The following SLC25A21 variants were observed in gnomAD, a reference collection of about 807,000 sequenced individuals.
The protein encoded by SLC25A21 is mitochondrial 2-oxodicarboxylate carrier.
Under a neutral mutation model 43.8 loss-of-function variants are expected in SLC25A21, and 47 were observed. The observed-to-expected ratio is 1.07, with a 90% CI of 0.85 to 1.37. The LOEUF (loss-of-function observed/expected upper bound fraction) is 1.37, where lower values mean the gene tolerates loss of function less well. Among genes scored for constraint, SLC25A21 ranks in the 40% most tolerant of loss-of-function variants. The probability of loss-of-function intolerance (pLI) is 0.00; values close to 1 mark genes in which losing one functional copy is unlikely to be tolerated. For synonymous variants in SLC25A21, 131 were observed against 121.3 expected (o/e 1.08, Z -0.52); for missense variants, 352 against 350.2 (o/e 1.00, Z -0.04).
chr14:36,821,275 G>A (rs1888620649), intron 2 of SLC25A21, among the ~76,000 whole-genome samples: 1 of 152,092 alleles, frequency 6.6e-6, no homozygotes, highest in Non-Finnish European at 1.5e-5. Context: ...GATAACCACT[G>A]GGGACTGTGC....
intron 2 of SLC25A21, among the ~76,000 whole-genome samples, chr14:36,829,601 G>C (rs1888961136): frequency 6.6e-6 from 1 of 152,112 alleles, no homozygotes; most frequent in African/African-American, 2.4e-5. Flanking sequence ...TGTACAAACT[G>C]TCTTCAATTT....
chr14:36,877,044 G>A (rs1890555836), intron 1 of SLC25A21, among the ~76,000 whole-genome samples: 1 of 151,590 alleles, frequency 6.6e-6, no homozygotes, highest in Admixed American at 6.6e-5. Context: ...ATTTACTCTG[G>A]GAACTCAGAC....
intron 1 of SLC25A21, among the ~76,000 whole-genome samples, chr14:36,937,901 A>C (rs2089880079): frequency 6.6e-6 from 1 of 152,232 alleles, no homozygotes; most frequent in African/African-American, 2.4e-5. Flanking sequence ...TGAGAAATAA[A>C]GGAACAAAAG....
At chr14:37,063,549 G>C (rs985410167) in intron 1 of SLC25A21, among the ~76,000 whole-genome samples, 1 of 151,942 alleles carries the variant, frequency 6.6e-6, no homozygotes, top group Non-Finnish European at 1.5e-5. Flanking sequence ...TACTAGAACA[G>C]GAAAACATTA....
At chr14:36,791,463 T>C (rs1887481036) in intron 3 of SLC25A21, among the ~76,000 whole-genome samples, 1 of 152,170 alleles carries the variant, frequency 6.6e-6, no homozygotes, top group South Asian at 2.1e-4. Flanking sequence ...TTAATTATAG[T>C]TCTTAGCCCC....
intron 1 of SLC25A21, among the ~76,000 whole-genome samples, chr14:36,958,336 G>T (rs1286944077): frequency 6.6e-6 from 1 of 152,118 alleles, no homozygotes; most frequent in East Asian, 1.9e-4. Flanking sequence ...TCCAAGTTTT[G>T]TCCCATGTAA....
intron 2 of SLC25A21, among the ~76,000 whole-genome samples, chr14:36,844,089 C>T (rs984600711): frequency 6.6e-6 from 1 of 152,166 alleles, no homozygotes; most frequent in African/African-American, 2.4e-5. Context: ...TTAGGAGGCA[C>T]GAAGCCAGCC....
chr14:36,850,921 G>A (rs1341529413), intron 2 of SLC25A21, among the ~76,000 whole-genome samples: 1 of 152,190 alleles, frequency 6.6e-6, no homozygotes, highest in African/African-American at 2.4e-5. Context: ...TGGCAACAGA[G>A]AGTCCTTTCT....
chr14:37,122,888 G>T (rs1478180585), intron 1 of SLC25A21, among the ~76,000 whole-genome samples: 1 of 152,050 alleles, frequency 6.6e-6, no homozygotes, highest in Non-Finnish European at 1.5e-5. Flanking sequence ...TCCTCCTTTT[G>T]CAACACAATT....
intron 2 of SLC25A21, among the ~76,000 whole-genome samples, chr14:36,829,256 T>C (rs1205833828): frequency 6.6e-6 from 1 of 152,084 alleles, no homozygotes; most frequent in Non-Finnish European, 1.5e-5. Context: ...ATTGATTGCC[T>C]CAAAAGACTC....
intron 3 of SLC25A21, among the ~76,000 whole-genome samples, chr14:36,738,947 A>G (rs903306304): frequency 5.3e-5 from 8 of 152,238 alleles, no homozygotes; most frequent in Non-Finnish European, 1.0e-4. Context: ...AATCCTTTAA[A>G]GTATTTATAA....
chr14:36,816,423 C>T (rs983867251), intron 2 of SLC25A21, among the ~76,000 whole-genome samples: 25 of 150,984 alleles, frequency 1.7e-4, no homozygotes, highest in African/African-American at 4.4e-4. Context: ...AGGAATACAA[C>T]GAAAGGGGCA....
At chr14:36,704,672 C>A (rs150785895) in intron 7 of SLC25A21, among the ~76,000 whole-genome samples, 5,364 of 135,038 alleles carry the variant, frequency 0.04, 154 homozygotes, top group Non-Finnish European at 0.062. Flanking sequence ...AAAAAAAAAA[C>A]AAAAAAGAGA....
At chr14:37,095,584 T>C (rs1468419357) in intron 1 of SLC25A21, among the ~76,000 whole-genome samples, 4 of 151,938 alleles carry the variant, frequency 2.6e-5, no homozygotes, top group Non-Finnish European at 5.9e-5. Flanking sequence ...AGAAAAGGCA[T>C]GAATAAAAAA....
At chr14:36,993,042 T>A (rs1356482542) in intron 1 of SLC25A21, among the ~76,000 whole-genome samples, 1 of 152,240 alleles carries the variant, frequency 6.6e-6, no homozygotes, top group Non-Finnish European at 1.5e-5. Flanking sequence ...AAAATTTGCC[T>A]ATGCTGGTAT....
At chr14:36,756,841 A>T (rs754941470) in intron 3 of SLC25A21, among the ~76,000 whole-genome samples, 5 of 152,234 alleles carry the variant, frequency 3.3e-5, no homozygotes, top group Admixed American at 6.5e-5. Flanking sequence ...TGTGAAATAA[A>T]AGTGTAAATG....
chr14:36,776,177 A>G (rs181338544), intron 3 of SLC25A21, among the ~76,000 whole-genome samples: 2 of 146,386 alleles, frequency 1.4e-5, no homozygotes, highest in African/African-American at 5.1e-5. Flanking sequence ...CAATCCATCA[A>G]TTCTTGAAAC....
At chr14:36,852,522 G>A (rs764854802) in intron 2 of SLC25A21, among the ~76,000 whole-genome samples, 6 of 152,088 alleles carry the variant, frequency 3.9e-5, no homozygotes, top group Admixed American at 6.5e-5. Context: ...CTTAGCCTAC[G>A]GAACTAGATT....
intron 1 of SLC25A21, among the ~76,000 whole-genome samples, chr14:37,038,994 T>C (rs909388370): frequency 6.6e-6 from 1 of 152,122 alleles, no homozygotes; most frequent in African/African-American, 2.4e-5. Context: ...TAGAATGTCA[T>C]GCATAATCAC....
Sources: allele counts gnomAD v4.1 joint callset (sites outside exome capture counted in the v4.1 genomes callset), GRCh38; gene constraint gnomAD v4.1.1; transcripts MANE v1.5; gene names NCBI Gene and HGNC (gene_info 2026-07-23, HGNC 2026-07-21).